Variants in CSGALNACT1 observed in about 807,000 individuals in gnomAD.
The protein encoded by CSGALNACT1 is chondroitin sulfate N-acetylgalactosaminyltransferase 1.
In CSGALNACT1, 52 loss-of-function variants were observed where a neutral mutation model predicts 51.0. The ratio of observed to expected loss-of-function variants is 1.02; its 90% CI spans 0.82 to 1.29. CSGALNACT1 has a LOEUF of 1.29. Among genes scored for constraint, CSGALNACT1 ranks in the 50% most tolerant of loss-of-function variants. The pLI is 0.00. For missense variants in CSGALNACT1, 935 were observed against 679.2 expected, an observed-to-expected ratio of 1.38 and a Z score of -4.19; for synonymous variants, 341 against 254.4, an observed-to-expected ratio of 1.34 and a Z score of -3.24.
At chr8:19,667,560 C>T (rs2154195869) in intron 1 of CSGALNACT1, among the ~76,000 whole-genome samples, 1 of 152,304 alleles carries the variant, frequency 6.6e-6, no homozygotes, top group East Asian at 1.9e-4. Context: ...AGTCGTGTTC[C>T]ACCCCCTTTG....
chr8:19,477,133 A>T (rs2069917328), intron 4 of CSGALNACT1, among the ~76,000 whole-genome samples: 2 of 152,270 alleles, frequency 1.3e-5, no homozygotes, highest in South Asian at 4.1e-4. Context: ...AGTTCACAAC[A>T]TGTAAATATG....
chr8:19,592,566 C>A (rs1380076814), intron 2 of CSGALNACT1, among the ~76,000 whole-genome samples: 1 of 152,032 alleles, frequency 6.6e-6, no homozygotes, highest in South Asian at 2.1e-4. Flanking sequence ...AGCGTGGGCA[C>A]CATGGCAAAA....
chr8:19,555,013 G>A (rs1056417802), intron 3 of CSGALNACT1, among the ~76,000 whole-genome samples: 2 of 151,754 alleles, frequency 1.3e-5, no homozygotes, highest in African/African-American at 4.8e-5. Flanking sequence ...GCCGAGCGGG[G>A]GTGAATCACG....
intron 3 of CSGALNACT1, among the ~76,000 whole-genome samples, chr8:19,561,957 G>C (rs2040838047): frequency 6.6e-6 from 1 of 152,138 alleles, no homozygotes; most frequent in African/African-American, 2.4e-5. Flanking sequence ...TCTCACCCTT[G>C]AACCTCTAGA....
intron 5 of CSGALNACT1, among the ~76,000 whole-genome samples, chr8:19,446,597 T>C (rs533944310): frequency 3.3e-5 from 5 of 152,144 alleles, no homozygotes; most frequent in Non-Finnish European, 5.9e-5. Context: ...CACCAAAGCA[T>C]CAACCTCCCA....
chr8:19,461,131 G>A (rs1031297355), intron 4 of CSGALNACT1, among the ~76,000 whole-genome samples: 3 of 152,228 alleles, frequency 2.0e-5, no homozygotes, highest in East Asian at 3.9e-4. Context: ...CAGGCAAGCT[G>A]AGAGTTTTGC....
intron 1 of CSGALNACT1, among the ~76,000 whole-genome samples, chr8:19,754,108 A>G (rs1273041777): frequency 6.6e-6 from 1 of 151,760 alleles, no homozygotes; most frequent in East Asian, 1.9e-4. Flanking sequence ...GCTCAATGCA[A>G]CCTCCGCCTC....
At chr8:19,662,091 C>G (rs1589345190) in intron 1 of CSGALNACT1, among the ~76,000 whole-genome samples, 1 of 117,524 alleles carries the variant, frequency 8.5e-6, no homozygotes, top group Non-Finnish European at 1.9e-5. Context: ...CCCCCCCCCG[C>G]ATCTTCAGCA....
chr8:19,667,359 C>G (rs2059462658), intron 1 of CSGALNACT1, among the ~76,000 whole-genome samples: 1 of 152,098 alleles, frequency 6.6e-6, no homozygotes, highest in South Asian at 2.1e-4. Flanking sequence ...CTGCTTGAGC[C>G]CAGGAGGTTG....
intron 3 of CSGALNACT1, among the ~76,000 whole-genome samples, chr8:19,547,513 T>G (rs1201261060): frequency 6.6e-6 from 1 of 152,132 alleles, no homozygotes; most frequent in Non-Finnish European, 1.5e-5. Context: ...GTAAGGGGTT[T>G]CCCCCTTCGC....
chr8:19,520,833 G>A (rs1318075606), intron 3 of CSGALNACT1, among the ~76,000 whole-genome samples: 1 of 152,188 alleles, frequency 6.6e-6, no homozygotes, highest in Non-Finnish European at 1.5e-5. Context: ...TTTGCAGACA[G>A]ACAAGGACGT....
chr8:19,684,382 CCAAA>C (rs2060850472), upstream of CSGALNACT1, among the ~76,000 whole-genome samples: 1 of 151,942 alleles, frequency 6.6e-6, no homozygotes, highest in African/African-American at 2.4e-5. Context: ...ATCTCTGCTC[CCAAA>C]CATTCACCAT....
At chr8:19,714,522 CAGAGCTCTG>C (rs1171029219) in intron 1 of CSGALNACT1, among the ~76,000 whole-genome samples, 3 of 152,068 alleles carry the variant, frequency 2.0e-5, no homozygotes, top group Non-Finnish European at 4.4e-5. Flanking sequence ...GATTTTACCC[CAGAGCTCTG>C]AGGCGTTTGG....
Position 19,754,327 on chromosome 8 carries a change from GGACA to G in CSGALNACT1, c.-297+3519_-297+3522del, listed in dbSNP as rs1237463418. 1.5e-4 allele frequency among the ~76,000 whole-genome samples: 23 copies of G among 152,212 alleles called. 1 individual carries two copies. The highest frequency in any genetic ancestry group is 5.5e-4 in the African/African-American group (23 of 41,542). ...ATAGATGTGAGACATTTTTTAAAAA[GGACA>G]GATAACCAGAAGCTTCTGCTAGCCA... On this transcript the variant is annotated intron_variant, in intron 1 of 1. Transcript: ENST00000517494.
intron 1 of CSGALNACT1, among the ~76,000 whole-genome samples, chr8:19,669,508 G>A (rs1339371297): frequency 6.6e-6 from 1 of 152,194 alleles, no homozygotes; most frequent in Non-Finnish European, 1.5e-5. Context: ...CTGGAGTGCA[G>A]TGGCACGACC....
At chr8:19,750,089 G>A (rs2064934705) in intron 1 of CSGALNACT1, among the ~76,000 whole-genome samples, 1 of 152,152 alleles carries the variant, frequency 6.6e-6, no homozygotes, top group Non-Finnish European at 1.5e-5. Context: ...CTGTTCAGCT[G>A]ACCTCCAACT....
intron 2 of CSGALNACT1, among the ~76,000 whole-genome samples, chr8:19,593,616 T>C (rs990157902): frequency 9.9e-5 from 15 of 152,234 alleles, no homozygotes; most frequent in African/African-American, 3.6e-4. Context: ...AGGAAGTCTG[T>C]AGATTTCTTT....
At chr8:19,614,648 T>C (rs1217566252) in intron 1 of CSGALNACT1, among the ~76,000 whole-genome samples, 1 of 152,202 alleles carries the variant, frequency 6.6e-6, no homozygotes, top group Non-Finnish European at 1.5e-5. Flanking sequence ...TCTCATTCTA[T>C]ATAGGGCCTG....
At chr8:19,531,011 C>T (rs1008812515) in intron 3 of CSGALNACT1, among the ~76,000 whole-genome samples, 11 of 152,302 alleles carry the variant, frequency 7.2e-5, no homozygotes, top group African/African-American at 2.4e-4. Flanking sequence ...AAGCCTGACA[C>T]TTCAAGTGTG....
Sources: allele counts gnomAD v4.1 joint callset (sites outside exome capture counted in the v4.1 genomes callset), GRCh38; gene constraint gnomAD v4.1.1; transcripts MANE v1.5; gene names NCBI Gene and HGNC (gene_info 2026-07-23, HGNC 2026-07-21).